The following SSBP2 variants were observed in gnomAD, a reference collection of about 807,000 sequenced individuals.
SSBP2 encodes the protein single-stranded DNA-binding protein 2.
A neutral mutation model predicts 61.8 loss-of-function variants in SSBP2; 17 were observed. The ratio of observed to expected loss-of-function variants is 0.28; its 90% CI spans 0.19 to 0.41. The LOEUF (loss-of-function observed/expected upper bound fraction) is 0.41, where lower values mean the gene tolerates loss of function less well. Among genes scored for constraint, SSBP2 ranks in the 10% least tolerant of loss-of-function variants. The pLI is 1.00. For missense variants in SSBP2, 310 were observed against 458.7 expected, an observed-to-expected ratio of 0.68 and a Z score of 2.96; for synonymous variants, 139 against 141.3, an observed-to-expected ratio of 0.98 and a Z score of 0.12.
At chr5:81,546,265 C>CA (rs1771723431) in intron 4 of SSBP2, among the ~76,000 whole-genome samples, 1 of 152,166 alleles carries the variant, frequency 6.6e-6, no homozygotes, top group African/African-American at 2.4e-5. Context: ...TACTAAGTAG[C>CA]AAAATCACAA....
intron 4 of SSBP2, among the ~76,000 whole-genome samples, chr5:81,534,103 C>A (rs1770622022): frequency 6.6e-6 from 1 of 152,056 alleles, no homozygotes. Flanking sequence ...CCCACTCTAG[C>A]CAACCTTTCC....
In SSBP2 at chr5:81,442,608, A is replaced by C. The variant is rs897770621; in HGVS notation, c.849+45T>G. 9 of 1,077,940 alleles carry C rather than the reference A, an allele frequency of 8.3e-6. No homozygotes were observed. The African/African-American group carries it at 1.3e-4, about 15-fold the overall frequency. 66.8% of individuals were successfully genotyped at this position (1,077,940 alleles called of 1,614,324 possible). A position where few individuals can be genotyped will look rare whatever the true frequency, so the allele number is the denominator to read the frequency against. ...GGACATGGAATGCACTCAGAGTTTG[A>C]AAGTCTTCAAATACATTCCAAAAAT... On this transcript the variant is annotated intron_variant, in intron 13 of 16. Coordinates refer to ENST00000320672, the MANE Select transcript of SSBP2 (RefSeq NM_012446.5).
rs934976004 is a variant in SSBP2, at chr5:81,660,767, T to G, written c.63-10428A>C. 2.0e-5 allele frequency among the ~76,000 whole-genome samples: 3 copies of G among 152,088 alleles called. No homozygotes were observed. The South Asian group carries it at 6.2e-4, about 32-fold the overall frequency. ...GACCTGGAACAAACCCAAATGACCATCAATGATAGACTGGGTCAAGAAAAT... is the reference window on the plus strand; with the variant it reads ...GACCTGGAACAAACCCAAATGACCAGCAATGATAGACTGGGTCAAGAAAAT... On this transcript the variant is annotated intron_variant, in intron 1 of 16. Transcript: ENST00000320672.
intron 1 of SSBP2, among the ~76,000 whole-genome samples, chr5:81,684,133 A>T (rs553095968): frequency 6.6e-6 from 1 of 152,228 alleles, no homozygotes; most frequent in Non-Finnish European, 1.5e-5. Flanking sequence ...TTATTTCCTC[A>T]TGAAAACATG....
rs1745926900 is a variant in SSBP2, at chr5:81,615,534, G to C, written c.221C>G (p.Ala74Gly). ...ACATGTTTCACGTCTCTCTGGAGCTGCACAGTAGAGATCCCAAAATACACT... is the reference window on the plus strand; with the variant it reads ...ACATGTTTCACGTCTCTCTGGAGCTCCACAGTAGAGATCCCAAAATACACT... The change falls in exon 4 of 17, where the codon GCA (alanine) becomes GGA (glycine). Residue 74 changes from alanine to glycine, a missense_variant. Physicochemically the swap from Ala to Gly is moderately conservative, Grantham distance 60. Transcript: ENST00000320672. 5 of 1,613,102 alleles carry C rather than the reference G, an allele frequency of 3.1e-6. No individual in the cohort carries two copies. Among genetic ancestry groups the C allele is most frequent in the African/African-American group, 2.7e-5 (2 of 75,022 alleles).
At chr5:81,565,756 C>T (rs1160031183) in intron 4 of SSBP2, among the ~76,000 whole-genome samples, 2 of 151,888 alleles carry the variant, frequency 1.3e-5, no homozygotes, top group Non-Finnish European at 2.9e-5. Flanking sequence ...TAAAAGAAAA[C>T]GGTAAGTGAA....
chr5:81,424,429 A>T (rs1761822285), intron 16 of SSBP2, among the ~76,000 whole-genome samples: 1 of 151,504 alleles, frequency 6.6e-6, no homozygotes, highest in South Asian at 2.1e-4. Flanking sequence ...AGTCTCAAAA[A>T]TACATAAATA....
chr5:81,482,233 G>A (rs572069689), intron 6 of SSBP2, among the ~76,000 whole-genome samples: 3 of 152,144 alleles, frequency 2.0e-5, no homozygotes, highest in East Asian at 1.9e-4. Flanking sequence ...TGTGAGCCAC[G>A]TACCTGGCCA....
chr5:81,433,300 GAC>G (rs1172843917), intron 15 of SSBP2, among the ~76,000 whole-genome samples: 1 of 152,046 alleles, frequency 6.6e-6, no homozygotes, highest in African/African-American at 2.4e-5. Flanking sequence ...GTTGATCTAT[GAC>G]CTTACCCCCA....
chr5:81,643,658 AG>A (rs900740759), intron 2 of SSBP2, among the ~76,000 whole-genome samples: 1 of 126,754 alleles, frequency 7.9e-6, no homozygotes, highest in African/African-American at 3.1e-5. Flanking sequence ...GCTGGAGTAC[AG>A]TGGTGCGATC....
intron 1 of SSBP2, among the ~76,000 whole-genome samples, chr5:81,720,824 G>C (rs402061): frequency 0.35 from 53,447 of 152,030 alleles, 11,568 homozygotes; most frequent in Admixed American, 0.48. Flanking sequence ...TTTCTAACTG[G>C]TAAGATTCAT....
At chr5:81,463,363 T>C (rs1764668865) in intron 9 of SSBP2, among the ~76,000 whole-genome samples, 1 of 152,186 alleles carries the variant, frequency 6.6e-6, no homozygotes, top group African/African-American at 2.4e-5. Flanking sequence ...TGAAAATTTC[T>C]ATATAAGTAT....
At chr5:81,594,607 G>T (rs1293399348) in intron 4 of SSBP2, among the ~76,000 whole-genome samples, 1 of 152,158 alleles carries the variant, frequency 6.6e-6, no homozygotes, top group Non-Finnish European at 1.5e-5. Context: ...GCACTCCTCA[G>T]CAAATGTAAA....
intron 2 of SSBP2, among the ~76,000 whole-genome samples, chr5:81,646,688 ATT>A (rs68107334): frequency 0.061 from 5,210 of 86,022 alleles, 304 homozygotes; most frequent in African/African-American, 0.19. Flanking sequence ...TGATGATGTC[ATT>A]TTTTTTTTTT....
chr5:81,673,545 T>C (rs2153794896), intron 1 of SSBP2, among the ~76,000 whole-genome samples: 1 of 152,272 alleles, frequency 6.6e-6, no homozygotes, highest in East Asian at 1.9e-4. Context: ...TAATCGTGTA[T>C]TTGCCCTGCC....
chr5:81,638,394 G>A lies in SSBP2; in HGVS notation c.136-1776C>T, dbSNP rs370885687. Among the ~76,000 whole-genome samples the A allele has an allele frequency of 5.1e-4, 78 of 151,548 alleles. 4 individuals carry two copies. The South Asian group carries it at 0.014, about 26-fold the overall frequency. ...AAATAAAAAGAGTAATTGACAGGCC[G>A]GGCTCAGTGGCCCAGCTACTCTGGA... On this transcript the variant is annotated intron_variant, in intron 2 of 16. Transcript: ENST00000320672.
chr5:81,713,305 C>G (rs888428977), intron 1 of SSBP2, among the ~76,000 whole-genome samples: 8 of 151,872 alleles, frequency 5.3e-5, no homozygotes, highest in African/African-American at 1.9e-4. Flanking sequence ...CCCCACTCCA[C>G]CCCTCCACAC....
At chr5:81,706,660 A>C (rs1005697283) in intron 1 of SSBP2, among the ~76,000 whole-genome samples, 2 of 152,202 alleles carry the variant, frequency 1.3e-5, no homozygotes, top group Non-Finnish European at 2.9e-5. Flanking sequence ...CCAGTTAAAC[A>C]AGCCAGTTAC....
intron 4 of SSBP2, among the ~76,000 whole-genome samples, chr5:81,556,972 T>G (rs1178251571): frequency 6.6e-6 from 1 of 152,192 alleles, no homozygotes; most frequent in Non-Finnish European, 1.5e-5. Flanking sequence ...ACTTTTGTGA[T>G]GACACAGTCT....
Sources: allele counts gnomAD v4.1 joint callset (sites outside exome capture counted in the v4.1 genomes callset), GRCh38; gene constraint gnomAD v4.1.1; transcripts MANE v1.5; gene names NCBI Gene and HGNC (gene_info 2026-07-23, HGNC 2026-07-21).